SPATA13: variants seen among roughly 807,000 people sequenced by gnomAD.
SPATA13 encodes the protein spermatogenesis-associated protein 13.
Under a neutral mutation model 104.0 loss-of-function variants are expected in SPATA13, and 50 were observed. The observed-to-expected ratio is 0.48, with a 90% CI of 0.38 to 0.61. The LOEUF (loss-of-function observed/expected upper bound fraction) is 0.61, where lower values mean the gene tolerates loss of function less well. SPATA13 is among the 20% of genes least tolerant of loss of function. The probability of loss-of-function intolerance (pLI) is 0.00; values close to 1 mark genes in which losing one functional copy is unlikely to be tolerated. For synonymous variants in SPATA13, 606 were observed against 667.5 expected (o/e 0.91, Z 1.42); for missense variants, 1,524 against 1,690.6 (o/e 0.90, Z 1.73).
At chr13:24,047,411 A>G (rs1004079053) in intron 3 of SPATA13, among the ~76,000 whole-genome samples, 6 of 152,220 alleles carry the variant, frequency 3.9e-5, no homozygotes, top group African/African-American at 1.4e-4. Context: ...GTGGCCCTGC[A>G]TTCATTTTAC....
chr13:24,080,076 G>T (rs1424070048), intron 3 of SPATA13, among the ~76,000 whole-genome samples: 2 of 152,250 alleles, frequency 1.3e-5, no homozygotes, highest in African/African-American at 2.4e-5. Flanking sequence ...CCCAGCTGGA[G>T]AAGTGAGAAA....
chr13:24,205,476 A>C lies in SPATA13; in HGVS notation c.-111-17343A>C, dbSNP rs955769532. The stretch of plus-strand genomic sequence containing the variant: ...AAAAACACTCCATGCTATGGATAGG[A>C]GGAATCAATATCATAAAAATGGCCA... On this transcript the variant is annotated intron_variant, in intron 1 of 12. Coordinates refer to ENST00000382108, the MANE Select transcript of SPATA13 (RefSeq NM_001166271.3). This position sits in a 1 kb window ranked among gnomAD's most constrained non-coding sequence, Gnocchi z 4.1. Among the ~76,000 whole-genome samples the C allele has an allele frequency of 2.0e-5, 3 of 152,226 alleles. No homozygotes were observed. The highest frequency in any genetic ancestry group is 4.8e-5 in the African/African-American group (2 of 41,462).
intron 1 of SPATA13, among the ~76,000 whole-genome samples, chr13:23,980,347 CG>C: frequency 6.6e-6 from 1 of 152,282 alleles, no homozygotes; most frequent in East Asian, 1.9e-4. Flanking sequence ...TGCCGGGCGA[CG>C]GAGGAGCCGC....
chr13:24,108,666 G>T (rs558386791), intron 3 of SPATA13, among the ~76,000 whole-genome samples: 2 of 151,478 alleles, frequency 1.3e-5, no homozygotes, highest in South Asian at 2.1e-4. Context: ...TGGTAGGGGG[G>T]GGGAAGCCTG....
chr13:24,041,295 C>T (rs1257642881), intron 3 of SPATA13, among the ~76,000 whole-genome samples: 4 of 152,202 alleles, frequency 2.6e-5, no homozygotes, highest in Admixed American at 2.0e-4. Flanking sequence ...TAACAAAGGA[C>T]GTTTCAACCT....
At chr13:24,052,491 GTT>G (rs67518708) in intron 3 of SPATA13, among the ~76,000 whole-genome samples, 2 of 149,346 alleles carry the variant, frequency 1.3e-5, no homozygotes, top group East Asian at 2.0e-4. Flanking sequence ...AGAAATATAT[GTT>G]TTTTTTTTTC....
intron 3 of SPATA13, among the ~76,000 whole-genome samples, chr13:24,107,770 T>G (rs773103043): frequency 2.0e-5 from 3 of 152,186 alleles, no homozygotes; most frequent in African/African-American, 7.2e-5. Context: ...TCTTTCTGTT[T>G]TAGACTTTGG....
intron 3 of SPATA13, among the ~76,000 whole-genome samples, chr13:24,137,747 A>G (rs1334194380): frequency 6.6e-6 from 1 of 152,170 alleles, no homozygotes; most frequent in African/African-American, 2.4e-5. Context: ...AGTGACTTCA[A>G]CAGAGTGAGA....
At position 24,088,193 on chromosome 13, in the gene SPATA13, A is replaced by C. The variant is rs889211411; in HGVS notation, c.-112+70492A>C. ...TGAGGTGTGTCCTGGCAGACAGGGA[A>C]CTGGCGTGTTAATGCTCCCTAGGCA... On this transcript the variant is annotated intron_variant, in intron 3 of 14. Transcript: ENST00000424834. This position sits in a 1 kb window ranked among gnomAD's most constrained non-coding sequence, Gnocchi z 4.3. Among the ~76,000 whole-genome samples the C allele has an allele frequency of 6.6e-6, 1 of 152,292 alleles. No homozygotes were observed. Among genetic ancestry groups the C allele is most frequent in the Admixed American group, 6.5e-5 (1 of 15,300 alleles).
intron 3 of SPATA13, among the ~76,000 whole-genome samples, chr13:24,120,165 CCCGGAAACT>C (rs1186097087): frequency 2.6e-5 from 4 of 152,138 alleles, no homozygotes; most frequent in African/African-American, 9.7e-5. Flanking sequence ...TTCCTCCCTC[CCCGGAAACT>C]CTTGGGATTC....
Position 24,249,600 on chromosome 13 carries a change from T to C in SPATA13, c.1777T>C (p.Tyr593His). 1 of 1,614,014 alleles carries C rather than the reference T, an allele frequency of 6.2e-7. No individual in the cohort carries two copies. The highest frequency in any genetic ancestry group is 2.2e-5 in the East Asian group (1 of 44,888). Residue 593 changes from tyrosine (Y) to histidine (H), a missense_variant, in exon 3 of 13, where the codon TAC (tyrosine) becomes CAC (histidine). This residue lies in a region of SPATA13 where 1,089 missense variants were observed against 1,135.9 expected (regional missense o/e 0.96). Coordinates refer to ENST00000382108, the MANE Select transcript of SPATA13 (RefSeq NM_001166271.3). ...RRPRPRPFSDYGQLASRSLSI... is the reference protein window; with the variant it reads ...RRPRPRPFSDHGQLASRSLSI... ...GCCAAGGCCTCGGCCATTCTCTGAC[T>C]ACGGCCAGCTGGCCAGCCGCAGTTT...
intron 1 of SPATA13, among the ~76,000 whole-genome samples, chr13:23,981,421 C>T (rs1451326583): frequency 6.6e-6 from 1 of 152,194 alleles, no homozygotes; most frequent in Non-Finnish European, 1.5e-5. Context: ...GTGCTGTGTA[C>T]AGTGCTAGAC....
chr13:24,064,726 C>T (rs979600861), intron 3 of SPATA13, among the ~76,000 whole-genome samples: 1 of 152,106 alleles, frequency 6.6e-6, no homozygotes, highest in South Asian at 2.1e-4. Context: ...GTTACAGCAG[C>T]CAAACTAAAA....
chr13:24,236,948 A>C (rs1213055779), intron 2 of SPATA13, among the ~76,000 whole-genome samples: 4 of 152,256 alleles, frequency 2.6e-5, no homozygotes, highest in Non-Finnish European at 5.9e-5. Flanking sequence ...ACCCATGTTC[A>C]TAGCAGCACT....
intron 4 of SPATA13, chr13:24,270,740 A>G (rs1874535998): frequency 6.4e-7 from 1 of 1,563,772 alleles, no homozygotes; most frequent in Non-Finnish European, 8.7e-7. Flanking sequence ...GCAGTGAATA[A>G]GCGATTTCTG....
chr13:24,286,720 C>A lies in SPATA13; in HGVS notation c.2482-45C>A. ...GGTCTCCTGCCTCTGCTCCATGCTG[C>A]CCTCCCCTGCCCCAAGTCACCTGTC... On this transcript the variant is annotated intron_variant, in intron 6 of 12. Coordinates refer to ENST00000382108, the MANE Select transcript of SPATA13 (RefSeq NM_001166271.3). This position sits in a 1 kb window ranked among gnomAD's most constrained non-coding sequence, Gnocchi z 4.9. 6.3e-7 allele frequency: 1 copy of A among 1,574,962 alleles called. No individual in the cohort carries two copies. Among genetic ancestry groups the A allele is most frequent in the South Asian group, 1.1e-5 (1 of 87,018 alleles).
intron 2 of SPATA13, 76 bp downstream of exon 2, chr13:24,224,658 T>C: frequency 6.8e-7 from 1 of 1,468,066 alleles, no homozygotes; most frequent in Non-Finnish European, 9.2e-7. Flanking sequence ...TTGCCCTTGG[T>C]CCCTAACCTG....
intron 3 of SPATA13, among the ~76,000 whole-genome samples, chr13:24,080,608 A>G (rs375272174): frequency 1.5e-4 from 23 of 152,272 alleles, no homozygotes; most frequent in African/African-American, 5.5e-4. Flanking sequence ...ACCACCTAAG[A>G]AGGTAACTTC....
chr13:24,278,312 G>A (rs1015720278), intron 4 of SPATA13, among the ~76,000 whole-genome samples: 1 of 152,142 alleles, frequency 6.6e-6, no homozygotes, highest in Non-Finnish European at 1.5e-5. Context: ...ATCTGCAAGT[G>A]GGGACAACTG....
Sources: gnomAD v4.1 joint callset for allele counts (sites outside exome capture counted in the v4.1 genomes callset) on GRCh38, gnomAD v4.1.1 for gene constraint, gnomAD v4.1.1 regional missense constraint, Gnocchi (gnomAD v3.1) non-coding constraint, MANE v1.5 for transcripts, NCBI Gene and HGNC (gene_info 2026-07-23, HGNC 2026-07-21) for gene names.